Variants in CRACD observed in about 807,000 individuals in gnomAD.
CRACD encodes the protein capping protein inhibiting regulator of actin dynamics, also known as capping protein-inhibiting regulator of actin dynamics.
In CRACD, 56 loss-of-function variants were observed where a neutral mutation model predicts 106.8. That is an observed-to-expected ratio of 0.52 (90% confidence interval 0.42 to 0.66). The LOEUF is 0.66. Among genes scored for constraint, CRACD ranks in the 30% least tolerant of loss-of-function variants. The pLI is 0.00. For missense variants in CRACD, 1,730 were observed against 1,623.2 expected (o/e 1.07, Z -1.13); for synonymous variants, 754 against 670.8 (o/e 1.12, Z -1.92).
At chr4:56,265,212 T>C (rs934979235) in intron 2 of CRACD, among the ~76,000 whole-genome samples, 3 of 152,236 alleles carry the variant, frequency 2.0e-5, no homozygotes, top group African/African-American at 7.2e-5. Context: ...TCAGAAATAT[T>C]CAGATATTCC....
At chr4:56,099,559 G>A (rs1733714515) in intron 1 of CRACD, among the ~76,000 whole-genome samples, 1 of 152,142 alleles carries the variant, frequency 6.6e-6, no homozygotes, top group Non-Finnish European at 1.5e-5. Flanking sequence ...GATTCCCAGT[G>A]TCCTTTGATG....
At chr4:56,241,634 G>A (rs752348625) in intron 2 of CRACD, among the ~76,000 whole-genome samples, 2 of 152,178 alleles carry the variant, frequency 1.3e-5, no homozygotes, top group Non-Finnish European at 2.9e-5. Flanking sequence ...AGGAGTTCAT[G>A]GTTTAGTGGG....
chr4:56,317,433 T>C (rs1390746457), intron 8 of CRACD, among the ~76,000 whole-genome samples: 1 of 152,224 alleles, frequency 6.6e-6, no homozygotes, highest in East Asian at 1.9e-4. Flanking sequence ...CTCTTGATAA[T>C]GATACTTATT....
chr4:56,279,363 C>G (rs914595692), intron 3 of CRACD, among the ~76,000 whole-genome samples: 1 of 151,546 alleles, frequency 6.6e-6, no homozygotes, highest in African/African-American at 2.4e-5. Context: ...AACAGGCAAC[C>G]TACAACATGG....
chr4:56,261,214 G>A (rs977999539), intron 2 of CRACD, among the ~76,000 whole-genome samples: 14 of 152,014 alleles, frequency 9.2e-5, no homozygotes, highest in Non-Finnish European at 1.8e-4. Flanking sequence ...ATTGATTCAC[G>A]GCACCCTCTG....
chr4:56,209,890 A>C (rs1346010182), intron 2 of CRACD, among the ~76,000 whole-genome samples: 1 of 152,160 alleles, frequency 6.6e-6, no homozygotes, highest in Admixed American at 6.5e-5. Context: ...CAAGGTGGCT[A>C]TGAAGGGCAG....
intron 2 of CRACD, among the ~76,000 whole-genome samples, chr4:56,253,402 C>T (rs566714605): frequency 2.0e-5 from 3 of 152,248 alleles, no homozygotes; most frequent in East Asian, 1.9e-4. Flanking sequence ...GAGGGACCCT[C>T]GATAGTTCAG....
At chr4:56,260,175 G>T (rs1741608186) in intron 2 of CRACD, among the ~76,000 whole-genome samples, 1 of 152,202 alleles carries the variant, frequency 6.6e-6, no homozygotes, top group Non-Finnish European at 1.5e-5. Context: ...GAATGTGTTT[G>T]CATATATATT....
At chr4:56,310,536 G>T in intron 5 of CRACD, 130 bp from the exon 6 acceptor site, 3 of 667,690 alleles carry the variant, frequency 4.5e-6, no homozygotes, top group Non-Finnish European at 8.1e-6. Context: ...GACACCTGCT[G>T]GCTCTCTGAG....
intron 2 of CRACD, among the ~76,000 whole-genome samples, chr4:56,218,160 T>C (rs1738813671): frequency 6.6e-6 from 1 of 152,164 alleles, no homozygotes; most frequent in African/African-American, 2.4e-5. Context: ...AAAGACACTG[T>C]CTTCAAATAA....
At chr4:56,056,274 A>G (rs1431634243) in intron 1 of CRACD, among the ~76,000 whole-genome samples, 5 of 152,252 alleles carry the variant, frequency 3.3e-5, no homozygotes, top group African/African-American at 9.6e-5. Context: ...ACCATTTTGA[A>G]TGAGGGTAAA....
intron 3 of CRACD, among the ~76,000 whole-genome samples, chr4:56,295,272 A>G (rs896552610): frequency 6.6e-6 from 1 of 152,174 alleles, no homozygotes; most frequent in African/African-American, 2.4e-5. Context: ...AATATTATAT[A>G]TCAAAAAGAT....
chr4:56,257,648 T>C (rs545876793), intron 2 of CRACD, among the ~76,000 whole-genome samples: 7 of 152,292 alleles, frequency 4.6e-5, no homozygotes, highest in South Asian at 2.1e-4. Context: ...TAAGCTGTGA[T>C]TGTGCTGCCA....
intron 1 of CRACD, among the ~76,000 whole-genome samples, chr4:56,132,150 C>T (rs943196658): frequency 6.6e-6 from 1 of 152,086 alleles, no homozygotes; most frequent in African/African-American, 2.4e-5. Flanking sequence ...CTCAAGCAGT[C>T]CTCCCACCTC....
At chr4:56,136,459 G>T (rs1327822407) in intron 1 of CRACD, among the ~76,000 whole-genome samples, 2 of 152,044 alleles carry the variant, frequency 1.3e-5, no homozygotes, top group Non-Finnish European at 2.9e-5. Context: ...CCTTCTAGTG[G>T]GTGTGTCATG....
intron 1 of CRACD, among the ~76,000 whole-genome samples, chr4:56,149,968 A>T (rs1735526315): frequency 6.6e-6 from 1 of 152,180 alleles, no homozygotes; most frequent in African/African-American, 2.4e-5. Context: ...TTTCTATAAC[A>T]TTTGTTATAG....
intron 2 of CRACD, among the ~76,000 whole-genome samples, chr4:56,196,876 A>T (rs1737636982): frequency 6.6e-6 from 1 of 152,128 alleles, no homozygotes; most frequent in South Asian, 2.1e-4. Context: ...ATCGAGAGGG[A>T]CAGACTGTTG....
In CRACD at chr4:56,315,423, G is replaced by A; in HGVS notation, c.1921G>A (p.Gly641Ser). The A allele has an allele frequency of 1.2e-6, 2 of 1,612,734 alleles. No homozygotes were observed. Among genetic ancestry groups the A allele is most frequent in the Non-Finnish European group, 8.5e-7 (1 of 1,179,646 alleles). Residue 641 changes from glycine (G) to serine (S), a missense_variant, in exon 8 of 11, where the codon GGC (glycine) becomes AGC (serine). Gly to Ser is a moderately conservative substitution (Grantham distance 56, BLOSUM62 0). This residue lies in a region of CRACD where 1,620 missense variants were observed against 1,481.6 expected (regional missense o/e 1.09). Transcript: ENST00000682029. The surrounding 1 kb of genome is among the most constrained non-coding windows in gnomAD (Gnocchi z 4.1). ...CCCAGCTGGGGAGAACCCTCCCCGA[G>A]GCCCCGGCGACGCGAGGGCGGGCAG... The part of the protein sequence containing the change: ...EAPAGENPPR[G>S]PGDARAGSGK...
At chr4:56,304,312 CTTTTTTTT>C in intron 4 of CRACD, among the ~76,000 whole-genome samples, 1 of 127,962 alleles carries the variant, frequency 7.8e-6, no homozygotes, top group South Asian at 2.5e-4. Context: ...GTTCTTATTC[CTTTTTTTT>C]TTTTTTTTTT....
Sources: allele counts gnomAD v4.1 joint callset (sites outside exome capture counted in the v4.1 genomes callset), GRCh38; gene constraint gnomAD v4.1.1; regional missense constraint gnomAD v4.1.1; non-coding constraint Gnocchi (gnomAD v3.1); transcripts MANE v1.5; gene names NCBI Gene and HGNC (gene_info 2026-07-23, HGNC 2026-07-21).